Variants in KCNJ6 observed in about 807,000 individuals in gnomAD.
KCNJ6 encodes the protein G protein-activated inward rectifier potassium channel 2.
Under a neutral mutation model 34.2 loss-of-function variants are expected in KCNJ6, and 9 were observed. The observed-to-expected ratio is 0.26, with a 90% CI of 0.16 to 0.46. The LOEUF (loss-of-function observed/expected upper bound fraction) is 0.46. Among genes scored for constraint, KCNJ6 ranks in the 20% least tolerant of loss-of-function variants. KCNJ6 has a pLI of 1.00. For missense variants in KCNJ6, 236 were observed against 531.3 expected, an observed-to-expected ratio of 0.44 and a Z score of 5.46; for synonymous variants, 196 against 207.1, an observed-to-expected ratio of 0.95 and a Z score of 0.46.
chr21:37,909,658 C>A (rs2055858046), intron 1 of KCNJ6, among the ~76,000 whole-genome samples: 1 of 152,174 alleles, frequency 6.6e-6, no homozygotes, highest in East Asian at 1.9e-4. Flanking sequence ...GTGTAAGCCA[C>A]CGCTCCTGGC....
intron 3 of KCNJ6, among the ~76,000 whole-genome samples, chr21:37,693,182 T>C (rs2054647785): frequency 6.6e-6 from 1 of 152,220 alleles, no homozygotes; most frequent in African/African-American, 2.4e-5. Context: ...TCGAGATAGA[T>C]GGTACCAAGT....
At chr21:37,679,627 TCAA>T (rs1370422037) in intron 3 of KCNJ6, among the ~76,000 whole-genome samples, 3 of 152,154 alleles carry the variant, frequency 2.0e-5, no homozygotes, top group South Asian at 2.1e-4. Flanking sequence ...AAGGTGGAAA[TCAA>T]CACTAGTCTT....
intron 2 of KCNJ6, chr21:37,719,531 A>C (rs992491591): frequency 1.3e-5 from 2 of 152,130 alleles, no homozygotes; most frequent in Non-Finnish European, 2.9e-5. Flanking sequence ...TTAACCATGA[A>C]ATGCTGCACA....
chr21:37,673,088 G>A lies in KCNJ6; in HGVS notation c.946+41123C>T, dbSNP rs1026015054. Among the ~76,000 whole-genome samples, 4 of 152,194 alleles carry A rather than the reference G, an allele frequency of 2.6e-5. No homozygotes were observed. In the South Asian group the frequency reaches 8.3e-4, roughly 32 times the overall value. ...TGAGCAATAATATTCATTATTGAAT[G>A]CAAAATGAGAGAGAGAAAACAAAGG... On this transcript the variant is annotated intron_variant, in intron 3 of 3. Transcript: ENST00000609713.
chr21:37,662,809 C>T (rs991629697), intron 3 of KCNJ6, among the ~76,000 whole-genome samples: 37 of 124,084 alleles, frequency 3.0e-4, no homozygotes, highest in Admixed American at 2.7e-3. Context: ...TTCTGACTGG[C>T]GTGAGATGGT....
At chr21:37,912,192 C>T (rs997291718) in intron 1 of KCNJ6, among the ~76,000 whole-genome samples, 3 of 152,030 alleles carry the variant, frequency 2.0e-5, no homozygotes, top group Admixed American at 6.6e-5. Flanking sequence ...TGAATGGGGG[C>T]GAATTTTCAC....
Position 37,714,081 on chromosome 21 carries a change from A to C in KCNJ6, c.946+130T>G. The C allele has an allele frequency of 1.4e-6, 1 of 720,704 alleles. No individual in the cohort carries two copies. The highest frequency in any genetic ancestry group is 2.4e-5 in the Admixed American group (1 of 41,888). 44.6% of individuals were successfully genotyped at this position (720,704 alleles called of 1,614,324 possible). The stretch of plus-strand genomic sequence containing the variant: ...GTGAGACATGTAGGCATACTATGTC[A>C]TGAAGCAAGGGGATGTTGTCAATAT... On this transcript the variant is annotated intron_variant, in intron 3 of 3. Coordinates refer to ENST00000609713, the MANE Select transcript of KCNJ6 (RefSeq NM_002240.5). This position sits in a 1 kb window ranked among gnomAD's most constrained non-coding sequence, Gnocchi z 5.9.
intron 3 of KCNJ6, among the ~76,000 whole-genome samples, chr21:37,683,487 CCTT>C (rs1174065594): frequency 6.6e-6 from 1 of 152,228 alleles, no homozygotes; most frequent in Non-Finnish European, 1.5e-5. Flanking sequence ...ACCCTCTCTT[CCTT>C]CTTTAAGCCC....
At chr21:37,757,789 T>C (rs2055038523) in intron 2 of KCNJ6, among the ~76,000 whole-genome samples, 1 of 152,278 alleles carries the variant, frequency 6.6e-6, no homozygotes, top group Admixed American at 6.5e-5. Context: ...GAGAACACCA[T>C]TTTGACTTGC....
intron 2 of KCNJ6, among the ~76,000 whole-genome samples, chr21:37,834,453 C>A (rs765469616): frequency 6.6e-6 from 1 of 152,212 alleles, no homozygotes; most frequent in Non-Finnish European, 1.5e-5. Flanking sequence ...CAAGCTACAG[C>A]GACTTACAGG....
At chr21:37,865,128 T>C (rs1419000540) in intron 1 of KCNJ6, among the ~76,000 whole-genome samples, 1 of 152,104 alleles carries the variant, frequency 6.6e-6, no homozygotes, top group Admixed American at 6.6e-5. Flanking sequence ...CAAACATAAT[T>C]TGTGTACAGA....
At chr21:37,629,140 C>T (rs1313316505) in intron 3 of KCNJ6, among the ~76,000 whole-genome samples, 1 of 152,088 alleles carries the variant, frequency 6.6e-6, no homozygotes. Flanking sequence ...AACTCAAATC[C>T]ACATGAAGAA....
chr21:37,817,421 A>C (rs1302179819), intron 2 of KCNJ6, among the ~76,000 whole-genome samples: 2 of 152,224 alleles, frequency 1.3e-5, no homozygotes, highest in Admixed American at 6.5e-5. Context: ...AGTGCTATGC[A>C]AATACTGACA....
chr21:37,832,768 A>T (rs2055432577), intron 2 of KCNJ6, among the ~76,000 whole-genome samples: 3 of 152,088 alleles, frequency 2.0e-5, no homozygotes, highest in African/African-American at 7.2e-5. Flanking sequence ...TGGGGGCTCC[A>T]CTGGGAGCCT....
intron 2 of KCNJ6, among the ~76,000 whole-genome samples, chr21:37,720,043 CA>C (rs2054816529): frequency 6.6e-6 from 1 of 151,640 alleles, no homozygotes. Flanking sequence ...AATGTACCTG[CA>C]AAGTCAAAGA....
intron 2 of KCNJ6, among the ~76,000 whole-genome samples, chr21:37,794,487 G>T (rs1187138629): frequency 1.3e-5 from 2 of 152,218 alleles, no homozygotes; most frequent in Non-Finnish European, 2.9e-5. Context: ...GAAAAGCAAA[G>T]ACCTCACTAA....
chr21:37,698,974 C>T (rs1469102732), intron 3 of KCNJ6, among the ~76,000 whole-genome samples: 1 of 152,042 alleles, frequency 6.6e-6, no homozygotes, highest in Non-Finnish European at 1.5e-5. Flanking sequence ...ACTGGGATTT[C>T]AGGTGTAAGC....
chr21:37,766,459 G>A (rs2055091616), intron 2 of KCNJ6, among the ~76,000 whole-genome samples: 1 of 152,128 alleles, frequency 6.6e-6, no homozygotes, highest in Non-Finnish European at 1.5e-5. Flanking sequence ...CATTTAATCT[G>A]TTAGATCCCA....
intron 1 of KCNJ6, among the ~76,000 whole-genome samples, chr21:37,893,224 T>G (rs2055771217): frequency 6.6e-6 from 1 of 151,862 alleles, no homozygotes; most frequent in Non-Finnish European, 1.5e-5. Flanking sequence ...TTTCTTTTTT[T>G]GGAGATGGAG....
Sources: allele counts gnomAD v4.1 joint callset (sites outside exome capture counted in the v4.1 genomes callset), GRCh38; gene constraint gnomAD v4.1.1; non-coding constraint Gnocchi (gnomAD v3.1); transcripts MANE v1.5; gene names NCBI Gene and HGNC (gene_info 2026-07-23, HGNC 2026-07-21).